HS1BP3: variants seen among roughly 807,000 people sequenced by gnomAD.
HS1BP3 encodes the protein HCLS1-binding protein 3.
HS1BP3 carries 32 observed loss-of-function variants against 33.5 expected under a neutral mutation model. The ratio of observed to expected loss-of-function variants is 0.95; its 90% CI spans 0.72 to 1.28. HS1BP3 has a LOEUF of 1.28. HS1BP3 is among the 50% of genes most tolerant of loss of function. The probability of loss-of-function intolerance (pLI) is 0.00; values close to 1 mark genes in which losing one functional copy is unlikely to be tolerated. For synonymous variants in HS1BP3, 187 were observed against 209.2 expected (o/e 0.89, Z 0.92); for missense variants, 486 against 502.3 (o/e 0.97, Z 0.31).
intron 5 of HS1BP3, among the ~76,000 whole-genome samples, chr2:20,583,584 A>T (rs1043173314): frequency 1.3e-5 from 2 of 152,214 alleles, no homozygotes; most frequent in Non-Finnish European, 2.9e-5. Flanking sequence ...TCCAGAGAGA[A>T]GGGGCCAGCG....
chr2:20,597,618 T>C (rs1478026589), intron 3 of HS1BP3, among the ~76,000 whole-genome samples: 2 of 152,038 alleles, frequency 1.3e-5, no homozygotes, highest in Non-Finnish European at 2.9e-5. Flanking sequence ...ACTGATTTTA[T>C]ATGCCATGCA....
intron 6 of HS1BP3, among the ~76,000 whole-genome samples, chr2:20,621,070 G>C (rs1694583770): frequency 6.6e-6 from 1 of 152,262 alleles, no homozygotes; most frequent in Admixed American, 6.5e-5. Flanking sequence ...GAGGTCTGGA[G>C]GTGGGAATGA....
chr2:20,613,285 GC>G (rs1323866498), downstream of HS1BP3, among the ~76,000 whole-genome samples: 2 of 152,256 alleles, frequency 1.3e-5, no homozygotes, highest in Admixed American at 1.3e-4. Context: ...TGAGAAGGCA[GC>G]AGTAAAGGCA....
At chr2:20,576,938 G>T (rs1425396952) in intron 5 of HS1BP3, among the ~76,000 whole-genome samples, 1 of 152,244 alleles carries the variant, frequency 6.6e-6, no homozygotes. Flanking sequence ...AAATGATGGG[G>T]AACAGAATTC....
At chr2:20,621,639 C>T (rs2149290447) in intron 6 of HS1BP3, among the ~76,000 whole-genome samples, 1 of 152,364 alleles carries the variant, frequency 6.6e-6, no homozygotes, top group East Asian at 1.9e-4. Flanking sequence ...CTCAAAGGGA[C>T]TGAATTATCC....
exon 4 of HS1BP3, chr2:20,592,751 C>T (rs1558326296): frequency 6.6e-6 from 1 of 152,332 alleles, no homozygotes; most frequent in Non-Finnish European, 1.5e-5. Context: ...CCTCAGCCTT[C>T]ACGTGGCCTT....
intron 5 of HS1BP3, among the ~76,000 whole-genome samples, chr2:20,561,001 A>G (rs1297997426): frequency 6.6e-6 from 1 of 152,262 alleles, no homozygotes; most frequent in East Asian, 1.9e-4. Flanking sequence ...GGCAGCAGTG[A>G]ATCCAGAGAG....
At position 20,624,858 on chromosome 2, in the gene HS1BP3, C is replaced by T. The variant is rs190813407; in HGVS notation, c.658G>A (p.Val220Met). Residue 220 changes from valine (V) to methionine (M), a missense_variant, in exon 5 of 7, where the codon GTG (valine) becomes ATG (methionine). By Grantham distance (21) the Val-to-Met change is conservative. Coordinates refer to ENST00000304031, the MANE Select transcript of HS1BP3 (RefSeq NM_022460.4). ...AGCCGGGGCGAGGGCTTGGCTTTCA[C>T]GGCCACTTTGGGATGTTTCTTGGGC... ...KKPKKHPKVA[V>M]KAKPSPRLTI... 9 of 1,613,680 alleles carry T rather than the reference C, an allele frequency of 5.6e-6. No individual in the cohort carries two copies. Among genetic ancestry groups the T allele is most frequent in the African/African-American group, 1.3e-5 (1 of 75,054 alleles).
chr2:20,617,854 C>A lies in HS1BP3; in HGVS notation c.*1133G>T, dbSNP rs1273089883. On this transcript the variant is annotated 3_prime_UTR_variant, in exon 7 of 7. Coordinates refer to ENST00000304031, the MANE Select transcript of HS1BP3 (RefSeq NM_022460.4). ...TTTTTGCTTTATTAAACATCATTCACTGAGAATTTCCAAAGCACTGTGTGG... is the reference window on the plus strand; with the variant it reads ...TTTTTGCTTTATTAAACATCATTCAATGAGAATTTCCAAAGCACTGTGTGG... 6.6e-6 allele frequency: 1 copy of A among 152,656 alleles called. No homozygotes were observed. Among genetic ancestry groups the A allele is most frequent in the African/African-American group, 2.4e-5 (1 of 41,472 alleles). The allele number at this position is 152,656 out of a possible 1,614,324, so 9.5% of individuals were successfully genotyped here.
At chr2:20,624,108 C>G in intron 5 of HS1BP3, 77 bp from the exon 6 acceptor site, 1 of 1,523,716 alleles carries the variant, frequency 6.6e-7, no homozygotes, top group Non-Finnish European at 8.8e-7. Flanking sequence ...CTCTGCCCCA[C>G]CCCAGGAAGT....
chr2:20,626,988 A>T (rs4456661), intron 4 of HS1BP3, among the ~76,000 whole-genome samples: 2 of 152,002 alleles, frequency 1.3e-5, no homozygotes, highest in South Asian at 2.1e-4. Context: ...AGCTGACCCC[A>T]GCCAAGACCC....
At chr2:20,638,108 CA>C in intron 4 of HS1BP3, 1 of 497,512 alleles carries the variant, frequency 2.0e-6, no homozygotes, top group African/African-American at 1.9e-5. Context: ...CCAGTCCTCC[CA>C]CACTAGCCGG....
At chr2:20,587,259 G>T (rs1693703072) in intron 5 of HS1BP3, among the ~76,000 whole-genome samples, 1 of 152,184 alleles carries the variant, frequency 6.6e-6, no homozygotes, top group Admixed American at 6.5e-5. Context: ...TTTATGCAAA[G>T]GAAAAGAAAC....
rs77571027 is a variant in HS1BP3 at position 20,573,079 on chromosome 2, G to C, written c.303-12564C>G. Reference sequence around the variant, plus strand: ...TAAATGTCACTGTAGTGGGTTGAATGGTGTCCACCCAAAAGATATGTCCAA... The same window carrying C: ...TAAATGTCACTGTAGTGGGTTGAATCGTGTCCACCCAAAAGATATGTCCAA... On this transcript the variant is annotated intron_variant, in intron 5 of 5. Transcript: ENST00000446825. Among the ~76,000 whole-genome samples the C allele has an allele frequency of 9.9e-5, 15 of 152,248 alleles. No individual in the cohort carries two copies. The East Asian group carries it at 2.9e-3, about 29-fold the overall frequency.
In HS1BP3 at chr2:20,650,752, C is replaced by T. The variant is rs541377484; in HGVS notation, c.32+280G>A. Among the ~76,000 whole-genome samples the T allele has an allele frequency of 2.0e-5, 3 of 152,336 alleles. No individual in the cohort carries two copies. In the South Asian group the frequency reaches 6.2e-4, roughly 32 times the overall value. On this transcript the variant is annotated intron_variant, in intron 1 of 6. Transcript: ENST00000304031. ...GGCGGTAGGAAAGGAGAGCAGAGTC[C>T]CCACTGCGCCCGCCTGCACTGAACC...
chr2:20,601,770 CTTTTTTTTTTTT>C lies in HS1BP3; in HGVS notation c.179-3517_179-3506del, dbSNP rs35644786. On this transcript the variant is annotated intron_variant, in intron 2 of 3. Coordinates refer to the HS1BP3 transcript ENST00000415264. ...ATCACCCAGTTTTCAAGTGTGTCTTCTTTTTTTTTTTTTTTTTTTTTTTTTTGAGACGGAGTC... is the reference window on the plus strand; with the variant it reads ...ATCACCCAGTTTTCAAGTGTGTCTTCTTTTTTTTTTTTTTGAGACGGAGTC... Among the ~76,000 whole-genome samples, 111 of 69,154 alleles carry C rather than the reference CTTTTTTTTTTTT, an allele frequency of 1.6e-3. 1 individual carries two copies. Among genetic ancestry groups the C allele is most frequent in the African/African-American group, 5.7e-3 (103 of 18,226 alleles). The allele number at this position is 69,154 out of a possible 152,430, so 45.4% of individuals were successfully genotyped here. A position where few individuals can be genotyped will look rare whatever the true frequency, so the allele number is the denominator to read the frequency against.
At position 20,567,731 on chromosome 2, in the gene HS1BP3, C is replaced by G. The variant is rs1042799901; in HGVS notation, c.303-7216G>C. On this transcript the variant is annotated intron_variant, in intron 5 of 5. Coordinates refer to the HS1BP3 transcript ENST00000446825. Reference sequence around the variant, plus strand: ...GACTGACCGCAGGCTAGAAAGGTCACTCTCTGACCTGTGACCTTGCCCTTT... The same window carrying G: ...GACTGACCGCAGGCTAGAAAGGTCAGTCTCTGACCTGTGACCTTGCCCTTT... Among the ~76,000 whole-genome samples, 94 of 152,338 alleles carry G rather than the reference C, an allele frequency of 6.2e-4. 1 individual carries two copies. Among genetic ancestry groups the G allele is most frequent in the Admixed American group, 6.1e-3 (94 of 15,304 alleles).
downstream of HS1BP3, among the ~76,000 whole-genome samples, chr2:20,589,504 CA>C (rs1193276239): frequency 6.6e-6 from 1 of 152,180 alleles, no homozygotes; most frequent in African/African-American, 2.4e-5. Flanking sequence ...TCAGACCTGG[CA>C]TTGGTTGACT....
chr2:20,578,515 C>A (rs1192888421), intron 5 of HS1BP3, among the ~76,000 whole-genome samples: 1 of 152,210 alleles, frequency 6.6e-6, no homozygotes, highest in Non-Finnish European at 1.5e-5. Context: ...TCGCAGGCAG[C>A]CCCACACACC....
Sources: gnomAD v4.1 joint callset for allele counts (sites outside exome capture counted in the v4.1 genomes callset) on GRCh38, gnomAD v4.1.1 for gene constraint, MANE v1.5 for transcripts, NCBI Gene and HGNC (gene_info 2026-07-23, HGNC 2026-07-21) for gene names.